The following NOL10 variants were observed in gnomAD, a reference collection of about 807,000 sequenced individuals.
NOL10 encodes nucleolar protein 10.
In NOL10, 58 loss-of-function variants were observed where a neutral mutation model predicts 103.5. The ratio of observed to expected loss-of-function variants is 0.56; its 90% confidence interval spans 0.45 to 0.70. The LOEUF is 0.70. NOL10 is among the 30% of genes least tolerant of loss of function. The pLI, the probability that NOL10 is intolerant of heterozygous loss-of-function variation, is 0.00. For missense variants in NOL10, 763 were observed against 807.3 expected (o/e 0.95, Z 0.67); for synonymous variants, 287 against 282.5 (o/e 1.02, Z -0.16).
intron 11 of NOL10, among the ~76,000 whole-genome samples, chr2:10,655,016 C>A (rs531500752): frequency 6.6e-6 from 1 of 152,062 alleles, no homozygotes; most frequent in African/African-American, 2.4e-5. Context: ...TTAAGACCAG[C>A]CTGACCAACA....
Position 10,572,818 on chromosome 2 carries a change from C to T in NOL10, c.1948-628G>A, listed in dbSNP as rs558711226. Among the ~76,000 whole-genome samples, 4 of 152,308 alleles carry T rather than the reference C, an allele frequency of 2.6e-5. No homozygotes were observed. The South Asian group carries it at 8.3e-4, about 32-fold the overall frequency. ...CAGACGATGCACACGTTCACAGCTG[C>T]AATAACCATGTGGACTCTCGGGCTG... On this transcript the variant is annotated intron_variant, in intron 20 of 20. Coordinates refer to ENST00000381685, the MANE Select transcript of NOL10 (RefSeq NM_024894.4).
intron 10 of NOL10, 63 bp from the exon 11 acceptor site, chr2:10,657,954 AAGTG>A: frequency 7.8e-7 from 1 of 1,279,658 alleles, no homozygotes; most frequent in Non-Finnish European, 1.1e-6. Flanking sequence ...AAATATTTCT[AAGTG>A]AGAATAATGG....
intron 17 of NOL10, among the ~76,000 whole-genome samples, chr2:10,595,394 C>A (rs536319824): frequency 6.6e-6 from 1 of 152,142 alleles, no homozygotes; most frequent in East Asian, 1.9e-4. Context: ...TGGCTAACTG[C>A]GGCCTTGCAG....
chr2:10,641,086 C>T lies in NOL10; in HGVS notation c.1026+3234G>A, dbSNP rs1678668611. On this transcript the variant is annotated intron_variant, in intron 13 of 20. Coordinates refer to ENST00000381685, the MANE Select transcript of NOL10 (RefSeq NM_024894.4). The stretch of plus-strand genomic sequence containing the variant: ...CTGTAATCCCAGCACTTCAGGAGGC[C>T]GAGGCAGGTGGATCACATGAGGTCA... Among the ~76,000 whole-genome samples the T allele has an allele frequency of 2.0e-5, 3 of 150,094 alleles. No individual in the cohort carries two copies. The South Asian group carries it at 6.4e-4, about 32-fold the overall frequency.
intron 20 of NOL10, among the ~76,000 whole-genome samples, chr2:10,575,828 C>G (rs549462071): frequency 4.6e-5 from 7 of 152,066 alleles, no homozygotes; most frequent in African/African-American, 1.4e-4. Flanking sequence ...AGGGAATCAA[C>G]GAATGTTTCC....
At chr2:10,614,656 A>G (rs1042806510) in intron 13 of NOL10, among the ~76,000 whole-genome samples, 1 of 152,222 alleles carries the variant, frequency 6.6e-6, no homozygotes, top group East Asian at 1.9e-4. Flanking sequence ...AATCAGGTCC[A>G]GTCAGGGTTT....
chr2:10,601,673 T>C (rs554711510), intron 16 of NOL10, among the ~76,000 whole-genome samples: 1 of 152,158 alleles, frequency 6.6e-6, no homozygotes, highest in East Asian at 1.9e-4. Flanking sequence ...ATTAGTTGAG[T>C]GTGGTAGTGT....
chr2:10,682,974 G>A (rs1473473321), intron 2 of NOL10, among the ~76,000 whole-genome samples: 1 of 151,986 alleles, frequency 6.6e-6, no homozygotes, highest in African/African-American at 2.4e-5. Context: ...TAGTAGAGAC[G>A]GGGTTTCACT....
At chr2:10,585,459 T>G (rs1019265070) in intron 19 of NOL10, among the ~76,000 whole-genome samples, 11 of 152,176 alleles carry the variant, frequency 7.2e-5, no homozygotes, top group Admixed American at 2.6e-4. Context: ...TGAAAACATA[T>G]GCAAAACACA....
At chr2:10,613,936 A>G (rs1008468500) in intron 13 of NOL10, among the ~76,000 whole-genome samples, 1 of 149,966 alleles carries the variant, frequency 6.7e-6, no homozygotes, top group Admixed American at 6.7e-5. Context: ...ACACTCTAAG[A>G]GGTAGAGGGT....
intron 8 of NOL10, among the ~76,000 whole-genome samples, chr2:10,666,488 C>G (rs1425666696): frequency 2.6e-5 from 4 of 151,938 alleles, no homozygotes; most frequent in Admixed American, 1.3e-4. Context: ...GCCACCACAC[C>G]CGGCTAATTT....
At chr2:10,688,403 C>T (rs1682365498) in intron 1 of NOL10, among the ~76,000 whole-genome samples, 1 of 152,200 alleles carries the variant, frequency 6.6e-6, no homozygotes, top group African/African-American at 2.4e-5. Flanking sequence ...TGCAATCACA[C>T]CTGTGCCTCT....
intron 17 of NOL10, among the ~76,000 whole-genome samples, chr2:10,599,817 A>C (rs547217467): frequency 7.2e-4 from 109 of 152,224 alleles, no homozygotes; most frequent in African/African-American, 2.5e-3. Context: ...ACAGATGAAA[A>C]AACTGTGACC....
intron 19 of NOL10, among the ~76,000 whole-genome samples, chr2:10,585,576 T>C (rs1357995857): frequency 6.6e-6 from 1 of 152,236 alleles, no homozygotes; most frequent in African/African-American, 2.4e-5. Context: ...AACTGGTCTA[T>C]ACATACACTG....
chr2:10,682,084 A>G lies in NOL10; in HGVS notation c.113-15T>C. The G allele has an allele frequency of 7.9e-7, 1 of 1,266,544 alleles. No individual in the cohort carries two copies. Among genetic ancestry groups the G allele is most frequent in the Non-Finnish European group, 1.1e-6 (1 of 928,264 alleles). 78.5% of individuals were successfully genotyped at this position (1,266,544 alleles called of 1,614,324 possible). On this transcript the variant is annotated splice_polypyrimidine_tract_variant and intron_variant, in intron 2 of 20. Coordinates refer to ENST00000381685, the MANE Select transcript of NOL10 (RefSeq NM_024894.4). Reference sequence around the variant, plus strand: ...CCTACGGACATCTAAAAAGAGAGAAAAAAACAACTAGTTTAACTAACATGT... The same window carrying G: ...CCTACGGACATCTAAAAAGAGAGAAGAAAACAACTAGTTTAACTAACATGT...
At position 10,646,184 on chromosome 2, in the gene NOL10, A is replaced by G. The variant is rs13399051; in HGVS notation, c.974-1812T>C. Among the ~76,000 whole-genome samples the G allele has an allele frequency of 3.0e-3, 455 of 152,278 alleles. 2 individuals are homozygous for G. The highest frequency in any genetic ancestry group is 0.011 in the African/African-American group (445 of 41,550). The stretch of plus-strand genomic sequence containing the variant: ...TTGTGCTTCCTAGGTCTCCACTAAC[A>G]ACACTGCTGAAAGATCTCCAGGAGC... On this transcript the variant is annotated intron_variant, in intron 12 of 20. Coordinates refer to ENST00000381685, the MANE Select transcript of NOL10 (RefSeq NM_024894.4).
At chr2:10,678,880 G>A (rs544614524) in intron 3 of NOL10, among the ~76,000 whole-genome samples, 2 of 152,218 alleles carry the variant, frequency 1.3e-5, no homozygotes, top group African/African-American at 4.8e-5. Context: ...TGTCCAATAT[G>A]GCAGCCACTA....
chr2:10,592,666 T>A (rs979544815), intron 17 of NOL10, among the ~76,000 whole-genome samples: 8 of 152,240 alleles, frequency 5.3e-5, no homozygotes, highest in Non-Finnish European at 1.2e-4. Context: ...GTAATAATCA[T>A]ATTTAATAAA....
chr2:10,646,401 CA>C (rs562070727), intron 12 of NOL10, among the ~76,000 whole-genome samples: 2 of 152,232 alleles, frequency 1.3e-5, no homozygotes, highest in East Asian at 3.9e-4. Context: ...TGTAATTACA[CA>C]AAAAAATTCA....
Sources: allele counts gnomAD v4.1 joint callset (sites outside exome capture counted in the v4.1 genomes callset), GRCh38; gene constraint gnomAD v4.1.1; transcripts MANE v1.5; gene names NCBI Gene and HGNC (gene_info 2026-07-23, HGNC 2026-07-21).